ARMH4: variants seen among roughly 807,000 people sequenced by gnomAD.
The protein encoded by ARMH4 is armadillo-like helical domain-containing protein 4.
ARMH4 carries 49 observed loss-of-function variants against 61.9 expected under a neutral mutation model. That is an observed-to-expected ratio of 0.79 (90% CI 0.63 to 1.00). ARMH4 has a LOEUF of 1.00. ARMH4 is among the 50% of genes least tolerant of loss of function. ARMH4 has a pLI of 0.00. For missense variants in ARMH4, 934 were observed against 930.0 expected (o/e 1.00, Z -0.06); for synonymous variants, 368 against 341.5 (o/e 1.08, Z -0.85).
At chr14:58,029,534 A>G (rs1883151908) in intron 5 of ARMH4, among the ~76,000 whole-genome samples, 1 of 152,084 alleles carries the variant, frequency 6.6e-6, no homozygotes. Flanking sequence ...GTGCCCGGCC[A>G]GCATAATATT....
chr14:58,090,407 G>C (rs185318420), intron 5 of ARMH4, among the ~76,000 whole-genome samples: 1 of 152,208 alleles, frequency 6.6e-6, no homozygotes, highest in East Asian at 1.9e-4. Flanking sequence ...GAACAACACA[G>C]AAACCATGCA....
chr14:58,129,046 C>T (rs1886995936), intron 4 of ARMH4, among the ~76,000 whole-genome samples: 1 of 152,186 alleles, frequency 6.6e-6, no homozygotes, highest in South Asian at 2.1e-4. Context: ...AGAGAGCAAG[C>T]CCTGCCTATA....
chr14:58,036,133 T>C (rs1255060401), intron 5 of ARMH4, among the ~76,000 whole-genome samples: 2 of 108,192 alleles, frequency 1.8e-5, no homozygotes, highest in African/African-American at 7.2e-5. Flanking sequence ...TTGATGAACA[T>C]TGATGCAAAA....
chr14:58,150,220 A>G (rs969998972), intron 1 of ARMH4, among the ~76,000 whole-genome samples: 2 of 152,234 alleles, frequency 1.3e-5, no homozygotes, highest in Non-Finnish European at 2.9e-5. Context: ...AGCTTCAGAT[A>G]CTTCTCTTAT....
chr14:58,134,956 CAAA>C (rs199939980), intron 2 of ARMH4, among the ~76,000 whole-genome samples: 3 of 73,862 alleles, frequency 4.1e-5, no homozygotes, highest in Non-Finnish European at 6.1e-5. Flanking sequence ...GACTCTGTCT[CAAA>C]AAAAAAAAAA....
chr14:58,072,418 C>A (rs1208374636), intron 5 of ARMH4, among the ~76,000 whole-genome samples: 1 of 152,112 alleles, frequency 6.6e-6, no homozygotes, highest in African/African-American at 2.4e-5. Flanking sequence ...TTCCTTTTCC[C>A]TCTAATAGAA....
chr14:58,077,169 C>T (rs1404028879), intron 5 of ARMH4, among the ~76,000 whole-genome samples: 2 of 152,166 alleles, frequency 1.3e-5, no homozygotes, highest in Non-Finnish European at 2.9e-5. Context: ...CTAGACAGCC[C>T]TGAGCTAACC....
At chr14:58,106,759 A>T (rs922862607) in intron 4 of ARMH4, among the ~76,000 whole-genome samples, 6 of 152,022 alleles carry the variant, frequency 3.9e-5, no homozygotes, top group Non-Finnish European at 5.9e-5. Flanking sequence ...AACAGGGAAC[A>T]AGTTTTATAA....
intron 5 of ARMH4, among the ~76,000 whole-genome samples, chr14:58,090,746 G>A (rs188120123): frequency 1.3e-5 from 2 of 151,940 alleles, no homozygotes; most frequent in Admixed American, 6.6e-5. Flanking sequence ...GGGCTGTGGT[G>A]GTGTGTGCCT....
chr14:58,047,477 C>G (rs1354900417), intron 5 of ARMH4, among the ~76,000 whole-genome samples: 1 of 152,110 alleles, frequency 6.6e-6, no homozygotes, highest in Non-Finnish European at 1.5e-5. Flanking sequence ...ATTTTTTACT[C>G]TTCATTTCAA....
At chr14:58,041,954 T>C (rs1166932041) in intron 5 of ARMH4, among the ~76,000 whole-genome samples, 1 of 152,034 alleles carries the variant, frequency 6.6e-6, no homozygotes, top group Non-Finnish European at 1.5e-5. Flanking sequence ...AGCAAGTCCT[T>C]AGAGACCTAC....
chr14:58,131,643 A>G lies in ARMH4; in HGVS notation c.1700T>C (p.Met567Thr), dbSNP rs372804317. ...AGGGGAAATGCTGGGTTCCCCCACC[A>G]TTATTCCAGGAGGTGTCACTGGAGA... The part of the protein sequence containing the change: ...LGSPVTPPGI[M>T]VGEPSISPAL... Residue 567 changes from methionine (M) to threonine (T), a missense_variant, in exon 4 of 8, where the codon ATG becomes ACG. Coordinates refer to ENST00000267485, the MANE Select transcript of ARMH4 (RefSeq NM_001001872.4). The G allele has an allele frequency of 1.7e-5, 27 of 1,614,034 alleles. No homozygotes were observed. Among genetic ancestry groups the G allele is most frequent in the Admixed American group, 5.0e-5 (3 of 60,008 alleles).
At chr14:58,102,862 G>A (rs963811636) in intron 4 of ARMH4, among the ~76,000 whole-genome samples, 8 of 149,052 alleles carry the variant, frequency 5.4e-5, no homozygotes, top group Admixed American at 2.0e-4. Flanking sequence ...GGTCAGGCAC[G>A]GTGGCTCACA....
chr14:58,056,797 C>A (rs898157209), intron 5 of ARMH4, among the ~76,000 whole-genome samples: 3 of 152,150 alleles, frequency 2.0e-5, no homozygotes, highest in Admixed American at 6.5e-5. Context: ...TTTTCTGTAA[C>A]AACAAAACCC....
chr14:58,004,260 A>T lies in ARMH4; in HGVS notation c.*476T>A, dbSNP rs1349868054. The T allele has an allele frequency of 1.3e-5, 2 of 153,068 alleles. No homozygotes were observed. Among genetic ancestry groups the T allele is most frequent in the Non-Finnish European group, 2.9e-5 (2 of 68,676 alleles). The allele number at this position is 153,068 out of a possible 1,614,324, so 9.5% of individuals were successfully genotyped here. ...GTTACTGCTAGTTTGATGCAAATGC[A>T]GTATGTACCATGGCCCACAACCCTG... On this transcript the variant is annotated 3_prime_UTR_variant, in exon 8 of 8. Transcript: ENST00000267485.
intron 5 of ARMH4, among the ~76,000 whole-genome samples, chr14:58,063,993 C>G (rs1048160584): frequency 6.6e-6 from 1 of 152,248 alleles, no homozygotes; most frequent in Admixed American, 6.5e-5. Context: ...AAAAGGAAGC[C>G]AGCCTGGAAG....
Position 58,003,329 on chromosome 14 carries a change from C to T in ARMH4, c.*1407G>A, listed in dbSNP as rs1594680568. ...GGTACAACTTTGGAAAATCATTTCA[C>T]TTCTCTGCTTCAGTTCCATCTTCAG... On this transcript the variant is annotated 3_prime_UTR_variant, in exon 8 of 8. Coordinates refer to ENST00000267485, the MANE Select transcript of ARMH4 (RefSeq NM_001001872.4). 6.6e-6 allele frequency: 1 copy of T among 152,336 alleles called. No individual in the cohort carries two copies. Among genetic ancestry groups the T allele is most frequent in the East Asian group, 1.9e-4 (1 of 5,186 alleles). 9.4% of individuals were successfully genotyped at this position (152,336 alleles called of 1,614,324 possible).
intron 4 of ARMH4, among the ~76,000 whole-genome samples, chr14:58,104,632 C>A (rs1002564131): frequency 1.4e-4 from 21 of 152,156 alleles, no homozygotes; most frequent in Non-Finnish European, 2.9e-4. Flanking sequence ...ACCAATAGAA[C>A]CTACTATTAC....
intron 4 of ARMH4, among the ~76,000 whole-genome samples, chr14:58,126,666 T>C (rs748128805): frequency 4.0e-5 from 6 of 151,714 alleles, no homozygotes; most frequent in Non-Finnish European, 7.4e-5. Context: ...AAAAACTAAA[T>C]ATAAAGACAG....
Sources: gnomAD v4.1 joint callset for allele counts (sites outside exome capture counted in the v4.1 genomes callset) on GRCh38, gnomAD v4.1.1 for gene constraint, MANE v1.5 for transcripts, NCBI Gene and HGNC (gene_info 2026-07-23, HGNC 2026-07-21) for gene names.